The following PGBD1 variants were observed in gnomAD, a reference collection of about 807,000 sequenced individuals.
The protein encoded by PGBD1 is piggyBac transposable element-derived protein 1.
In PGBD1, 25 loss-of-function variants were observed where a neutral mutation model predicts 34.7. The observed-to-expected ratio is 0.72, with a 90% CI of 0.52 to 1.00. The LOEUF (loss-of-function observed/expected upper bound fraction) is 1.00, where lower values mean the gene tolerates loss of function less well. PGBD1 is among the 50% of genes least tolerant of loss of function. PGBD1 has a pLI of 0.00. For synonymous variants in PGBD1, 292 were observed against 335.7 expected (o/e 0.87, Z 1.42); for missense variants, 830 against 959.4 (o/e 0.87, Z 1.78).
In PGBD1 at chr6:28,300,650, G is replaced by T; in HGVS notation, c.870-74G>T. 44 of 1,372,942 alleles carry T rather than the reference G, an allele frequency of 3.2e-5. No homozygotes were observed. Among genetic ancestry groups the T allele is most frequent in the Non-Finnish European group, 4.3e-5 (43 of 1,009,534 alleles). The allele number at this position is 1,372,942 out of a possible 1,614,324, so 85.0% of individuals were successfully genotyped here. ...CCACCCCAAGCCCCAAAAGATTTAA[G>T]CTTCAGCAGATTTATCATGTGTGAG... On this transcript the variant is annotated intron_variant, in intron 6 of 6. Transcript: ENST00000682144. This position sits in a 1 kb window ranked among gnomAD's most constrained non-coding sequence, Gnocchi z 4.0.
intron 4 of PGBD1, among the ~76,000 whole-genome samples, chr6:28,291,086 CAAAT>C (rs56360909): frequency 0.41 from 31,548 of 76,948 alleles, 4,433 homozygotes; most frequent in African/African-American, 0.56. Context: ...TAGAAGGAAA[CAAAT>C]AAAGATTAGA....
intron 2 of PGBD1, 130 bp from the exon 3 acceptor site, chr6:28,285,421 T>C: frequency 1.0e-6 from 1 of 961,066 alleles, no homozygotes; most frequent in Non-Finnish European, 1.5e-6. Context: ...TTTGTTTTTC[T>C]GGGCTGGGAT....
In PGBD1 at chr6:28,287,066, C is replaced by G. The variant is rs1425290619; in HGVS notation, c.554-14C>G. ...TCATGTCTCATTTAGGACTCTTGCC[C>G]TCTCTCTCTGCAGGGCCTGTTCCCC... On this transcript the variant is annotated splice_polypyrimidine_tract_variant and intron_variant, in intron 3 of 6. Transcript: ENST00000682144. 3 of 1,602,992 alleles carry G rather than the reference C, an allele frequency of 1.9e-6. No individual in the cohort carries two copies. The highest frequency in any genetic ancestry group is 2.7e-5 in the African/African-American group (2 of 74,622).
Position 28,302,186 on chromosome 6 carries a change from C to T in PGBD1, c.2332C>T (p.His778Tyr). The change falls in exon 7 of 7, where the codon CAC becomes TAC. Residue 778 changes from histidine to tyrosine, a missense_variant. Physicochemically the swap from His to Tyr is moderately conservative, Grantham distance 83. Transcript: ENST00000682144. ...AGCCATGAACAATGCATGGCAACTA[C>T]ACAGAGCCTGTAACCCAGGTGCTTC... ...DVAMNNAWQLHRACNPGASLD... is the reference protein window; with the variant it reads ...DVAMNNAWQLYRACNPGASLD... 6.2e-7 allele frequency: 1 copy of T among 1,614,176 alleles called. No homozygotes were observed.
Position 28,301,171 on chromosome 6 carries a change from C to A in PGBD1, c.1317C>A (p.Thr439=), listed in dbSNP as rs140972908. The A allele has an allele frequency of 1.9e-5, 31 of 1,613,766 alleles. No homozygotes were observed. Among genetic ancestry groups the A allele is most frequent in the Non-Finnish European group, 2.5e-5 (30 of 1,179,964 alleles). ...CATTCAACTTAATTGTCAATGAAAC[C>A]AATAATTATGCTTCTCAGAAAAATG... is the stretch of plus-strand genomic sequence containing the variant. ...DETFNLIVNE[T]NNYASQKNVS... is the part of the protein sequence containing the mutation. The change falls in exon 7 of 7, where the codon ACC becomes ACA. Residue 439 remains threonine (T), a synonymous_variant. Transcript: ENST00000682144.
intron 2 of PGBD1, among the ~76,000 whole-genome samples, chr6:28,284,463 T>C (rs1762228134): frequency 1.3e-5 from 2 of 152,046 alleles, no homozygotes; most frequent in Non-Finnish European, 2.9e-5. Flanking sequence ...TACACACACA[T>C]ACATACACAT....
intron 5 of PGBD1, 50 bp from the exon 6 acceptor site, chr6:28,297,845 T>TTTAAA: frequency 3.5e-6 from 1 of 283,634 alleles, no homozygotes; most frequent in Non-Finnish European, 6.6e-6. Flanking sequence ...TTTTTTTTTT[T>TTTAAA]CAAAATTCAC....
At chr6:28,290,635 C>T (rs1305559741) in intron 4 of PGBD1, among the ~76,000 whole-genome samples, 1 of 152,156 alleles carries the variant, frequency 6.6e-6, no homozygotes, top group African/African-American at 2.4e-5. Context: ...TGTAACCCAA[C>T]TGCTACAGAA....
At chr6:28,286,564 G>A (rs1342763382) in intron 3 of PGBD1, among the ~76,000 whole-genome samples, 1 of 152,102 alleles carries the variant, frequency 6.6e-6, no homozygotes, top group Non-Finnish European at 1.5e-5. Context: ...ATTATTGTTG[G>A]TTCTTTGGGA....
chr6:28,293,239 C>A (rs1259336332), intron 4 of PGBD1, among the ~76,000 whole-genome samples: 1 of 152,170 alleles, frequency 6.6e-6, no homozygotes, highest in Non-Finnish European at 1.5e-5. Context: ...CCACGCCAGG[C>A]CTCCCATAGA....
intron 5 of PGBD1, 146 bp from the exon 6 acceptor site, chr6:28,297,749 G>A (rs1236205292): frequency 8.7e-6 from 5 of 572,878 alleles, no homozygotes; most frequent in African/African-American, 8.0e-5. Context: ...CTGAAACTGT[G>A]CACCCTTGAA....
intron 3 of PGBD1, 72 bp downstream of exon 3, chr6:28,285,779 C>G: frequency 6.8e-7 from 1 of 1,476,966 alleles, no homozygotes; most frequent in Non-Finnish European, 9.2e-7. Context: ...TTCTTGACCT[C>G]AAGTTTGTAT....
intron 4 of PGBD1, 82 bp from the exon 5 acceptor site, chr6:28,296,734 A>G (rs1257079522): frequency 6.6e-7 from 1 of 1,505,938 alleles, no homozygotes. Context: ...ACCGGTCTAC[A>G]GCGTGGTATT....
At chr6:28,293,215 A>G (rs562001000) in intron 4 of PGBD1, among the ~76,000 whole-genome samples, 1 of 152,300 alleles carries the variant, frequency 6.6e-6, no homozygotes, top group Admixed American at 6.5e-5. Context: ...TGCTGGGATT[A>G]CAGGCATGAG....
chr6:28,291,086 C>G (rs1249736829), intron 4 of PGBD1, among the ~76,000 whole-genome samples: 2 of 77,168 alleles, frequency 2.6e-5, no homozygotes, highest in Non-Finnish European at 6.5e-5. Context: ...TAGAAGGAAA[C>G]AAATAAAGAT....
At chr6:28,298,046 T>C (rs1363932740) in intron 6 of PGBD1, 55 bp downstream of exon 6, 7 of 1,268,890 alleles carry the variant, frequency 5.5e-6, no homozygotes, top group Non-Finnish European at 6.8e-6. Context: ...GAAATTGGAA[T>C]GGAATCAGAG....
chr6:28,292,809 G>A (rs538002819), intron 4 of PGBD1, among the ~76,000 whole-genome samples: 1 of 152,262 alleles, frequency 6.6e-6, no homozygotes, highest in Admixed American at 6.5e-5. Context: ...CAGGGAGAAT[G>A]CCATGTGATC....
intron 4 of PGBD1, among the ~76,000 whole-genome samples, chr6:28,295,560 A>G (rs1172917738): frequency 6.6e-6 from 1 of 152,212 alleles, no homozygotes; most frequent in Non-Finnish European, 1.5e-5. Context: ...AGCATCGTTC[A>G]ACATCGCAGG....
intron 4 of PGBD1, among the ~76,000 whole-genome samples, chr6:28,290,088 A>C (rs1762400065): frequency 1.3e-5 from 2 of 152,160 alleles, no homozygotes; most frequent in African/African-American, 4.8e-5. Context: ...TCACTTAGCC[A>C]CAGAGGTTTT....
Sources: allele counts gnomAD v4.1 joint callset (sites outside exome capture counted in the v4.1 genomes callset), GRCh38; gene constraint gnomAD v4.1.1; non-coding constraint Gnocchi (gnomAD v3.1); transcripts MANE v1.5; gene names NCBI Gene and HGNC (gene_info 2026-07-23, HGNC 2026-07-21).